The following ENOX1 variants were observed in gnomAD, a reference collection of about 807,000 sequenced individuals.
The protein encoded by ENOX1 is candidate growth-related and time keeping constitutive hydroquinone (NADH) oxidase.
In ENOX1, 42 loss-of-function variants were observed where a neutral mutation model predicts 82.5. That is an observed-to-expected ratio of 0.51 (90% CI 0.40 to 0.66). The LOEUF is 0.66. Among genes scored for constraint, ENOX1 ranks in the 30% least tolerant of loss-of-function variants. The pLI, the probability that ENOX1 is intolerant of heterozygous loss-of-function variation, is 0.00. For synonymous variants in ENOX1, 271 were observed against 282.2 expected, an observed-to-expected ratio of 0.96 and a Z score of 0.40; for missense variants, 608 against 811.6, an observed-to-expected ratio of 0.75 and a Z score of 3.05.
intron 1 of ENOX1, among the ~76,000 whole-genome samples, chr13:43,714,719 C>T (rs368860139): frequency 3.9e-5 from 6 of 151,996 alleles, no homozygotes; most frequent in East Asian, 3.9e-4. Context: ...CTGTTTTATC[C>T]GAGACTAGGA....
intron 9 of ENOX1, among the ~76,000 whole-genome samples, chr13:43,336,486 C>T (rs984927981): frequency 2.0e-5 from 3 of 152,208 alleles, no homozygotes; most frequent in Non-Finnish European, 4.4e-5. Context: ...ATAATTCTGA[C>T]CAATCTTCAG....
intron 14 of ENOX1, among the ~76,000 whole-genome samples, chr13:43,248,853 G>A (rs1166642068): frequency 6.6e-6 from 1 of 151,998 alleles, no homozygotes; most frequent in Non-Finnish European, 1.5e-5. Flanking sequence ...ACATATATAT[G>A]TGTTTGCATA....
chr13:43,362,508 C>A (rs547657953), intron 5 of ENOX1, among the ~76,000 whole-genome samples: 1 of 152,274 alleles, frequency 6.6e-6, no homozygotes, highest in East Asian at 1.9e-4. Context: ...CTTCTTCTCC[C>A]TCCTCATCTT....
At chr13:43,355,738 C>G (rs2153556464) in intron 8 of ENOX1, among the ~76,000 whole-genome samples, 181 bp downstream of exon 8, 1 of 152,238 alleles carries the variant, frequency 6.6e-6, no homozygotes, top group Non-Finnish European at 1.5e-5. Context: ...TCCAGGAGAC[C>G]CCCCAGCTAA....
intron 1 of ENOX1, among the ~76,000 whole-genome samples, chr13:43,713,811 T>C (rs1439143332): frequency 2.0e-5 from 3 of 151,734 alleles, no homozygotes; most frequent in Admixed American, 6.6e-5. Context: ...TCTTTTCTTC[T>C]TTATTAGTCT....
At chr13:43,478,399 T>C (rs1336188149) in intron 3 of ENOX1, among the ~76,000 whole-genome samples, 1 of 152,124 alleles carries the variant, frequency 6.6e-6, no homozygotes, top group South Asian at 2.1e-4. Flanking sequence ...TAGTAGTGCA[T>C]TTCAGGAAAT....
chr13:43,247,092 C>T (rs1213199946), intron 14 of ENOX1, among the ~76,000 whole-genome samples: 11 of 152,142 alleles, frequency 7.2e-5, no homozygotes, highest in Admixed American at 7.2e-4. Flanking sequence ...GAGGCCAAGG[C>T]AAGTGGATCA....
intron 14 of ENOX1, among the ~76,000 whole-genome samples, chr13:43,256,951 T>TATATATACACAC (rs1434669480): frequency 1.3e-5 from 2 of 152,204 alleles, no homozygotes; most frequent in African/African-American, 4.8e-5. Context: ...TATATATATA[T>TATATATACACAC]ACACACAATG....
At chr13:43,216,010 C>T (rs1222688726) in intron 16 of ENOX1, among the ~76,000 whole-genome samples, 1 of 152,160 alleles carries the variant, frequency 6.6e-6, no homozygotes, top group Non-Finnish European at 1.5e-5. Context: ...TCTTGGCTAA[C>T]ATGGTAAAAC....
chr13:43,271,045 G>A (rs1338669861), intron 12 of ENOX1, among the ~76,000 whole-genome samples: 1 of 152,188 alleles, frequency 6.6e-6, no homozygotes. Flanking sequence ...CAGTTCCAAA[G>A]GGAACTGGTG....
rs747550444 is a variant in ENOX1 at position 43,360,002 on chromosome 13, G to A, written c.438C>T (p.Val146=). The A allele has an allele frequency of 1.1e-5, 17 of 1,614,066 alleles. No homozygotes were observed. Among genetic ancestry groups the A allele is most frequent in the South Asian group, 2.2e-5 (2 of 91,084 alleles). The change falls in exon 7 of 17, where the codon GTC becomes GTT. Residue 146 remains valine, a synonymous_variant. Coordinates refer to ENST00000690772, the MANE Select transcript of ENOX1 (RefSeq NM_001347969.2). ...ERPPGCKTVF[V]GGLPENATEE... ...CAGTAGCATTTTCTGGTAATCCTCC[G>A]ACAAACACGGTCTTACACCCAGGAG...
At chr13:43,715,820 G>A (rs2088082587) in intron 1 of ENOX1, among the ~76,000 whole-genome samples, 1 of 151,874 alleles carries the variant, frequency 6.6e-6, no homozygotes. Context: ...AGCTCCATCA[G>A]CTCCTTTAAG....
At chr13:43,452,354 G>A (rs893462960) in intron 3 of ENOX1, among the ~76,000 whole-genome samples, 3 of 152,036 alleles carry the variant, frequency 2.0e-5, no homozygotes, top group East Asian at 3.9e-4. Context: ...TCCCACTTAT[G>A]AGTAAAAACA....
intron 1 of ENOX1, among the ~76,000 whole-genome samples, chr13:43,711,283 T>C (rs2087690266): frequency 6.6e-6 from 1 of 152,146 alleles, no homozygotes; most frequent in Non-Finnish European, 1.5e-5. Context: ...TATTCCATGG[T>C]GTATATGTGC....
intron 12 of ENOX1, among the ~76,000 whole-genome samples, chr13:43,277,295 G>C (rs8000570): frequency 0.012 from 1,757 of 152,278 alleles, 36 homozygotes; most frequent in African/African-American, 0.04. Flanking sequence ...ATGAGATCAG[G>C]CTTCATTTAT....
At chr13:43,536,210 T>C (rs2078453436) in intron 2 of ENOX1, among the ~76,000 whole-genome samples, 1 of 152,212 alleles carries the variant, frequency 6.6e-6, no homozygotes, top group Non-Finnish European at 1.5e-5. Flanking sequence ...ATCATTTACT[T>C]AAACTAGAAA....
intron 3 of ENOX1, among the ~76,000 whole-genome samples, chr13:43,453,613 C>G (rs1364274036): frequency 6.6e-6 from 1 of 152,116 alleles, no homozygotes; most frequent in Non-Finnish European, 1.5e-5. Context: ...AAAGGCAATA[C>G]AGCAGGAATG....
chr13:43,390,480 G>A (rs1350919674), intron 5 of ENOX1, among the ~76,000 whole-genome samples: 5 of 152,058 alleles, frequency 3.3e-5, no homozygotes, highest in Admixed American at 3.3e-4. Context: ...AGTTTAAAAT[G>A]CTCCCTCTTG....
chr13:43,467,112 G>C (rs550410787), intron 3 of ENOX1, among the ~76,000 whole-genome samples: 1 of 152,244 alleles, frequency 6.6e-6, no homozygotes, highest in East Asian at 1.9e-4. Flanking sequence ...TTGTGTGAAT[G>C]TATGTTTTCA....
Sources: allele counts gnomAD v4.1 joint callset (sites outside exome capture counted in the v4.1 genomes callset), GRCh38; gene constraint gnomAD v4.1.1; transcripts MANE v1.5; gene names NCBI Gene and HGNC (gene_info 2026-07-23, HGNC 2026-07-21).